LRRC37A2: variants seen among roughly 807,000 people sequenced by gnomAD.
The protein encoded by LRRC37A2 is leucine-rich repeat-containing protein 37A2.
A neutral mutation model predicts 68.8 loss-of-function variants in LRRC37A2; 9 were observed. The observed-to-expected ratio is 0.13, with a 90% confidence interval of 0.08 to 0.23. The LOEUF is 0.23. Among genes scored for constraint, LRRC37A2 ranks in the 10% least tolerant of loss-of-function variants. LRRC37A2 has a pLI of 1.00. For synonymous variants in LRRC37A2, 63 were observed against 367.6 expected (o/e 0.17, Z 9.48); for missense variants, 168 against 950.4 (o/e 0.18, Z 10.82).
chr17:46,822,043 G>T, the LRRC37A2 span, among the ~76,000 whole-genome samples: 3 of 152,244 alleles, frequency 2.0e-5, no homozygotes, highest in African/African-American at 7.2e-5. Flanking sequence ...CAACCTGGGG[G>T]GGTAAAGGGA....
chr17:46,991,621 AAAATAAAAT>A, the LRRC37A2 span, among the ~76,000 whole-genome samples: 1 of 14,582 alleles, frequency 6.9e-5, no homozygotes, highest in South Asian at 2.6e-3. Flanking sequence ...TCAAAAAAAT[AAAATAAAAT>A]AAAATAAAAT....
At chr17:46,964,394 C>T in the LRRC37A2 span, 1 of 152,272 alleles carries the variant, frequency 6.6e-6, no homozygotes, top group Admixed American at 6.5e-5. Context: ...GATGAGCAGC[C>T]TCTAAAAGCA....
At chr17:46,978,458 G>C in the LRRC37A2 span, 8 of 618,378 alleles carry the variant, frequency 1.3e-5, no homozygotes, top group African/African-American at 9.9e-5. Flanking sequence ...GCGCACACAG[G>C]ACAGAGCCGG....
chr17:46,982,874 G>A, the LRRC37A2 span, among the ~76,000 whole-genome samples: 1 of 152,210 alleles, frequency 6.6e-6, no homozygotes, highest in African/African-American at 2.4e-5. Context: ...CTCAAAGGCA[G>A]GCCGAGGGGA....
intron 11 of LRRC37A2, among the ~76,000 whole-genome samples, chr17:46,550,948 C>T (rs2056733255): frequency 6.7e-6 from 1 of 149,160 alleles, no homozygotes; most frequent in African/African-American, 2.6e-5. Context: ...TACGTATTGT[C>T]TTGTAGACTT....
chr17:46,418,215 T>TTG, the LRRC37A2 span, among the ~76,000 whole-genome samples: 3,555 of 62,438 alleles, frequency 0.057, 718 homozygotes, highest in African/African-American at 0.11. Flanking sequence ...GTGTGTGTGT[T>TTG]TGTGTGTGTG....
At chr17:46,780,058 T>C in the LRRC37A2 span, among the ~76,000 whole-genome samples, 1 of 152,140 alleles carries the variant, frequency 6.6e-6, no homozygotes, top group African/African-American at 2.4e-5. Context: ...TGCCTGGCCA[T>C]AGAGAACATT....
the LRRC37A2 span, chr17:46,773,780 G>A: frequency 8.7e-6 from 14 of 1,613,324 alleles, no homozygotes; most frequent in Middle Eastern, 1.7e-4. Flanking sequence ...TCACGCCCTC[G>A]GCCACGCTGG....
At chr17:46,972,011 C>T in the LRRC37A2 span, among the ~76,000 whole-genome samples, 1 of 152,168 alleles carries the variant, frequency 6.6e-6, no homozygotes, top group African/African-American at 2.4e-5. Context: ...GCACAGGGCA[C>T]GTGGGGGAGA....
chr17:46,915,410 T>C, the LRRC37A2 span, among the ~76,000 whole-genome samples: 1 of 152,212 alleles, frequency 6.6e-6, no homozygotes, highest in South Asian at 2.1e-4. Context: ...TCTTATAACC[T>C]GGCCTTGAAA....
chr17:46,785,614 C>G, the LRRC37A2 span, among the ~76,000 whole-genome samples: 2 of 152,358 alleles, frequency 1.3e-5, no homozygotes, highest in South Asian at 2.1e-4. Flanking sequence ...GGTTCCCTTT[C>G]AGGGCCACGA....
At chr17:46,773,623 T>TACCCC in the LRRC37A2 span, 1 of 383,492 alleles carries the variant, frequency 2.6e-6, no homozygotes, top group South Asian at 1.9e-5. Context: ...TCCTGATCCC[T>TACCCC]CCCCCCACCC....
chr17:46,790,903 A>G, the LRRC37A2 span, among the ~76,000 whole-genome samples: 1 of 152,320 alleles, frequency 6.6e-6, no homozygotes, highest in East Asian at 1.9e-4. Context: ...GATGTGTTTC[A>G]AAAGAAACCT....
chr17:46,533,496 C>CT lies in LRRC37A2; in HGVS notation c.2907-6666dup, dbSNP rs1290324553. The stretch of plus-strand genomic sequence containing the variant: ...TATTGCATTATGTAAGTATCTTTTT[C>CT]TTTTTTTTTTTTTTCTTTATTTTGG... On this transcript the variant is annotated intron_variant, in intron 6 of 14. Coordinates refer to ENST00000576629, the Ensembl canonical transcript of LRRC37A2. 8.5e-3 allele frequency among the ~76,000 whole-genome samples: 1,201 copies of CT among 141,028 alleles called. 19 individuals are homozygous for CT. The highest frequency in any genetic ancestry group is 0.013 in the African/African-American group (449 of 35,656). The allele number at this position is 141,028 out of a possible 152,430, so 92.5% of individuals were successfully genotyped here. A position where few individuals can be genotyped will look rare whatever the true frequency, so the allele number is the denominator to read the frequency against.
chr17:46,875,019 G>C, the LRRC37A2 span: 1 of 1,609,552 alleles, frequency 6.2e-7, no homozygotes, highest in Non-Finnish European at 8.5e-7. Context: ...GGCCCTCAGA[G>C]GGCGGCAGGC....
At chr17:46,388,510 C>T in the LRRC37A2 span, among the ~76,000 whole-genome samples, 1 of 21,512 alleles carries the variant, frequency 4.6e-5, no homozygotes, top group African/African-American at 1.4e-4. Flanking sequence ...TGCAGTGAGC[C>T]GAAATCACGC....
chr17:46,679,746 T>C, the LRRC37A2 span, among the ~76,000 whole-genome samples: 1 of 150,740 alleles, frequency 6.6e-6, no homozygotes, highest in African/African-American at 2.4e-5. Flanking sequence ...CAAATGTGCA[T>C]GTGAAAGTTG....
At chr17:46,982,844 T>C in the LRRC37A2 span, among the ~76,000 whole-genome samples, 6 of 152,320 alleles carry the variant, frequency 3.9e-5, no homozygotes, top group Admixed American at 2.6e-4. Flanking sequence ...GCAGCCACTG[T>C]CACTTGCTTT....
chr17:47,019,596 G>A, the LRRC37A2 span: 2 of 1,455,014 alleles, frequency 1.4e-6, no homozygotes, highest in East Asian at 4.5e-5. Context: ...ACCTAGTCAG[G>A]ATTCATTGGT....
Sources: gnomAD v4.1 joint callset for allele counts (sites outside exome capture counted in the v4.1 genomes callset) on GRCh38, gnomAD v4.1.1 for gene constraint, MANE v1.5 for transcripts, NCBI Gene and HGNC (gene_info 2026-07-23, HGNC 2026-07-21) for gene names.